MEGF9: variants seen among roughly 807,000 people sequenced by gnomAD.
The protein encoded by MEGF9 is multiple epidermal growth factor-like domains protein 9.
MEGF9 carries 6 observed loss-of-function variants against 46.8 expected under a neutral mutation model. The ratio of observed to expected loss-of-function variants is 0.13; its 90% confidence interval spans 0.07 to 0.25. The LOEUF (loss-of-function observed/expected upper bound fraction) is 0.25. MEGF9 is among the 10% of genes least tolerant of loss of function. The probability of loss-of-function intolerance (pLI) is 1.00; values close to 1 mark genes in which losing one functional copy is unlikely to be tolerated. For missense variants in MEGF9, 683 were observed against 792.4 expected, an observed-to-expected ratio of 0.86 and a Z score of 1.66; for synonymous variants, 302 against 330.7, an observed-to-expected ratio of 0.91 and a Z score of 0.94.
chr9:120,691,562 C>T (rs76527648), intron 1 of MEGF9: 3,698 of 273,976 alleles, frequency 0.013, 155 homozygotes, highest in African/African-American at 0.083. Context: ...AGTTTAAACG[C>T]ATTTTATCAA....
intron 1 of MEGF9, among the ~76,000 whole-genome samples, chr9:120,683,694 T>C (rs1587994700): frequency 6.6e-6 from 1 of 152,228 alleles, no homozygotes; most frequent in East Asian, 1.9e-4. Context: ...ACTGGCAGTG[T>C]GAAGCCTGGG....
intron 1 of MEGF9, among the ~76,000 whole-genome samples, chr9:120,695,278 C>A (rs1196009587): frequency 2.6e-5 from 4 of 152,036 alleles, no homozygotes; most frequent in Non-Finnish European, 4.4e-5. Context: ...GTTACATAGA[C>A]AAGTAATACT....
intron 5 of MEGF9, 121 bp downstream of exon 5, chr9:120,607,620 A>AT: frequency 9.3e-7 from 1 of 1,080,200 alleles, no homozygotes; most frequent in Non-Finnish European, 1.3e-6. Flanking sequence ...CTTTAGGCAA[A>AT]TATCTATCAA....
At position 120,714,264 on chromosome 9, in the gene MEGF9, A is replaced by ACGGCGGCGGCGGCGG; in HGVS notation, c.80_94dup (p.Ala27_Ala31dup). On this transcript the variant is annotated inframe_insertion, in exon 1 of 6. Coordinates refer to ENST00000373930, the MANE Select transcript of MEGF9 (RefSeq NM_001080497.3). ...ATTCCCCGCCGAGGCGGCTGAGGCG[A>ACGGCGGCGGCGGCGG]CGGCGGCGGCGGCGGCGGCGGCGGC... The ACGGCGGCGGCGGCGG allele has an allele frequency of 8.1e-7, 1 of 1,238,346 alleles. No individual in the cohort carries two copies. The allele number at this position is 1,238,346 out of a possible 1,614,324, so 76.7% of individuals were successfully genotyped here.
intron 1 of MEGF9, among the ~76,000 whole-genome samples, chr9:120,703,616 C>T (rs1408538230): frequency 6.6e-6 from 1 of 152,202 alleles, no homozygotes; most frequent in Non-Finnish European, 1.5e-5. Context: ...CAGTGTAAGT[C>T]TCTTTGCTAT....
chr9:120,710,204 A>T (rs2132347878), intron 1 of MEGF9, among the ~76,000 whole-genome samples: 2 of 152,126 alleles, frequency 1.3e-5, no homozygotes, highest in African/African-American at 4.8e-5. Context: ...CAAGGTGGAC[A>T]GATCACCTGA....
At chr9:120,690,244 G>A (rs1485453844) in intron 1 of MEGF9, among the ~76,000 whole-genome samples, 3 of 152,086 alleles carry the variant, frequency 2.0e-5, no homozygotes, top group Non-Finnish European at 4.4e-5. Flanking sequence ...ATTAAAGAAT[G>A]GGAATAAAGA....
chr9:120,614,017 A>ATTTT (rs5900454), intron 3 of MEGF9, among the ~76,000 whole-genome samples: 2 of 147,318 alleles, frequency 1.4e-5, no homozygotes, highest in Non-Finnish European at 3.0e-5. Flanking sequence ...AAAAAGCTCA[A>ATTTT]TTTTTTTTTT....
chr9:120,710,489 G>A (rs2043948394), intron 1 of MEGF9, among the ~76,000 whole-genome samples: 1 of 150,342 alleles, frequency 6.7e-6, no homozygotes, highest in African/African-American at 2.4e-5. Context: ...TGCTGGGTTT[G>A]TGGGAGAAAA....
In MEGF9 at chr9:120,617,088, ACTCACATT is replaced by A. The variant is rs1564412863; in HGVS notation, c.944-4557_944-4550del. On this transcript the variant is annotated intron_variant, in intron 3 of 5. Coordinates refer to ENST00000373930, the MANE Select transcript of MEGF9 (RefSeq NM_001080497.3). Reference sequence around the variant, plus strand: ...CAAAATATAACAATACTGCCCTAAAACTCACATTCTCACATTCTCATTGCTGAAAGATG... The same window carrying A: ...CAAAATATAACAATACTGCCCTAAAACTCACATTCTCATTGCTGAAAGATG... Among the ~76,000 whole-genome samples the A allele has an allele frequency of 3.9e-5, 6 of 152,250 alleles. No individual in the cohort carries two copies. In the East Asian group the frequency reaches 9.6e-4, roughly 24 times the overall value.
intron 2 of MEGF9, among the ~76,000 whole-genome samples, chr9:120,655,894 T>C (rs909391553): frequency 6.6e-6 from 1 of 152,246 alleles, no homozygotes. Context: ...GTCTACCAAT[T>C]ATATCTGGAA....
At chr9:120,666,562 A>G (rs1340058830) in intron 1 of MEGF9, among the ~76,000 whole-genome samples, 2 of 152,268 alleles carry the variant, frequency 1.3e-5, no homozygotes, top group African/African-American at 2.4e-5. Flanking sequence ...ACAAAATAGT[A>G]GAGACACTTT....
chr9:120,648,772 T>C (rs1199816952), intron 2 of MEGF9, among the ~76,000 whole-genome samples: 1 of 152,236 alleles, frequency 6.6e-6, no homozygotes, highest in African/African-American at 2.4e-5. Flanking sequence ...CAAAAGCAGC[T>C]GTTACTGTCC....
chr9:120,608,123 G>A lies in MEGF9; in HGVS notation c.1088-113C>T, dbSNP rs556899957. 8.1e-6 allele frequency: 10 copies of A among 1,234,744 alleles called. No homozygotes were observed. The South Asian group carries it at 1.3e-4, about 16-fold the overall frequency. The allele number at this position is 1,234,744 out of a possible 1,614,324, so 76.5% of individuals were successfully genotyped here. On this transcript the variant is annotated intron_variant, in intron 4 of 5. Coordinates refer to ENST00000373930, the MANE Select transcript of MEGF9 (RefSeq NM_001080497.3). The stretch of plus-strand genomic sequence containing the variant: ...TAATCCCAGAACTTTGGAGGCCAAG[G>A]TGGAAGGATCGCTTGAGCCCAGGAG...
chr9:120,609,784 C>T (rs549882077), intron 4 of MEGF9, among the ~76,000 whole-genome samples: 33 of 152,246 alleles, frequency 2.2e-4, no homozygotes, highest in African/African-American at 7.2e-4. Flanking sequence ...ACCCTGTTAT[C>T]TAAACACAGA....
At chr9:120,678,627 C>G (rs920030002) in intron 1 of MEGF9, among the ~76,000 whole-genome samples, 2 of 152,160 alleles carry the variant, frequency 1.3e-5, no homozygotes, top group Non-Finnish European at 2.9e-5. Context: ...TGTGCACCAC[C>G]ATACCTGGCT....
chr9:120,641,466 A>G (rs1233167228), intron 2 of MEGF9, among the ~76,000 whole-genome samples: 2 of 152,198 alleles, frequency 1.3e-5, no homozygotes, highest in Non-Finnish European at 1.5e-5. Flanking sequence ...AGAGGTTGAA[A>G]TGCCTCAAAA....
chr9:120,628,465 GT>G (rs1554795252), intron 2 of MEGF9, among the ~76,000 whole-genome samples: 1 of 52,798 alleles, frequency 1.9e-5, no homozygotes, highest in Non-Finnish European at 4.0e-5. Context: ...AATTCTTGTC[GT>G]TGTTTTTTTT....
intron 1 of MEGF9, among the ~76,000 whole-genome samples, chr9:120,703,987 T>A (rs1050060787): frequency 1.4e-5 from 2 of 147,464 alleles, no homozygotes; most frequent in African/African-American, 5.0e-5. Flanking sequence ...AAAAAAAAGA[T>A]AATGCCAAAG....
Sources: allele counts gnomAD v4.1 joint callset (sites outside exome capture counted in the v4.1 genomes callset), GRCh38; gene constraint gnomAD v4.1.1; transcripts MANE v1.5; gene names NCBI Gene and HGNC (gene_info 2026-07-23, HGNC 2026-07-21).